The following ASB7 variants were observed in gnomAD, a reference collection of about 807,000 sequenced individuals.
The protein encoded by ASB7 is ankyrin repeat and SOCS box protein 7.
A neutral mutation model predicts 32.5 loss-of-function variants in ASB7; 4 were observed. The ratio of observed to expected loss-of-function variants is 0.12; its 90% CI spans 0.06 to 0.28. ASB7 has a LOEUF of 0.28. Among genes scored for constraint, ASB7 ranks in the 10% least tolerant of loss-of-function variants. ASB7 has a pLI of 1.00. For missense variants in ASB7, 181 were observed against 407.1 expected, an observed-to-expected ratio of 0.44 and a Z score of 4.78; for synonymous variants, 172 against 155.6, an observed-to-expected ratio of 1.11 and a Z score of -0.78.
At chr15:100,613,986 CAT>C (rs1225961116) in intron 4 of ASB7, among the ~76,000 whole-genome samples, 4 of 152,068 alleles carry the variant, frequency 2.6e-5, no homozygotes, top group Non-Finnish European at 5.9e-5. Context: ...GAAATTCAGT[CAT>C]ATGACCAAGC....
chr15:100,634,504 TGAAAA>T (rs1311909870), intron 5 of ASB7, among the ~76,000 whole-genome samples: 1 of 151,818 alleles, frequency 6.6e-6, no homozygotes, highest in Non-Finnish European at 1.5e-5. Context: ...AGGAAAGGAT[TGAAAA>T]GAAAAGAGAT....
chr15:100,637,072 T>C (rs1314629423), intron 5 of ASB7, among the ~76,000 whole-genome samples: 7 of 152,266 alleles, frequency 4.6e-5, no homozygotes, highest in Non-Finnish European at 1.0e-4. Flanking sequence ...ATTAATTTTA[T>C]TAAATCCTGT....
intron 5 of ASB7, among the ~76,000 whole-genome samples, chr15:100,642,065 A>G (rs888871244): frequency 1.3e-5 from 2 of 152,190 alleles, no homozygotes; most frequent in Admixed American, 1.3e-4. Flanking sequence ...CACATGGTCA[A>G]GAAACCTTTA....
intron 5 of ASB7, chr15:100,630,257 G>A (rs533456903): frequency 1.7e-6 from 2 of 1,182,368 alleles, no homozygotes; most frequent in East Asian, 3.0e-5. Flanking sequence ...TGTAATAGGG[G>A]TAGACAGTAA....
intron 4 of ASB7, among the ~76,000 whole-genome samples, chr15:100,612,736 T>C (rs1259005022): frequency 6.6e-6 from 1 of 152,244 alleles, no homozygotes; most frequent in Non-Finnish European, 1.5e-5. Flanking sequence ...GAAGCAGAAG[T>C]GGCTGTGGTA....
At chr15:100,614,599 G>A (rs2039725742) in intron 4 of ASB7, among the ~76,000 whole-genome samples, 1 of 151,996 alleles carries the variant, frequency 6.6e-6, no homozygotes, top group African/African-American at 2.4e-5. Flanking sequence ...ACCAATGGTG[G>A]GGGGAAAAAA....
intron 4 of ASB7, among the ~76,000 whole-genome samples, chr15:100,619,195 A>C (rs1487617799): frequency 2.0e-5 from 3 of 152,214 alleles, no homozygotes; most frequent in Non-Finnish European, 4.4e-5. Flanking sequence ...GGAGGCTGGA[A>C]GGATGGGGGT....
intron 4 of ASB7, among the ~76,000 whole-genome samples, chr15:100,615,432 T>C (rs1458276259): frequency 1.3e-5 from 2 of 152,234 alleles, no homozygotes; most frequent in African/African-American, 4.8e-5. Context: ...TTAATACATA[T>C]TGATTCACTC....
intron 5 of ASB7, among the ~76,000 whole-genome samples, chr15:100,639,177 AG>A (rs2039944639): frequency 6.6e-6 from 1 of 152,214 alleles, no homozygotes; most frequent in Non-Finnish European, 1.5e-5. Context: ...TAAAAGAAAA[AG>A]ATCAAGTAGA....
At chr15:100,608,491 A>G (rs146927170) in intron 2 of ASB7, among the ~76,000 whole-genome samples, 2 of 152,236 alleles carry the variant, frequency 1.3e-5, no homozygotes, top group Non-Finnish European at 2.9e-5. Flanking sequence ...TGCTGCAGTT[A>G]TTCCCTCTTT....
intron 5 of ASB7, 126 bp from the exon 6 acceptor site, chr15:100,648,196 TC>T: frequency 9.8e-7 from 1 of 1,021,892 alleles, no homozygotes; most frequent in East Asian, 2.9e-5. Flanking sequence ...TGAGTTGGTA[TC>T]TTTCCGGTCC....
At chr15:100,607,293 G>C (rs1177150739) in intron 2 of ASB7, among the ~76,000 whole-genome samples, 1 of 151,898 alleles carries the variant, frequency 6.6e-6, no homozygotes, top group African/African-American at 2.4e-5. Flanking sequence ...TTCCTCTGTT[G>C]TTTTTTAATA....
intron 2 of ASB7, among the ~76,000 whole-genome samples, chr15:100,605,051 A>G (rs771810989): frequency 2.0e-5 from 3 of 152,196 alleles, no homozygotes; most frequent in Non-Finnish European, 2.9e-5. Context: ...TCCAGCACAT[A>G]AGGTAAGAGA....
intron 5 of ASB7, 56 bp downstream of exon 5, chr15:100,630,098 G>T: frequency 6.9e-7 from 1 of 1,459,356 alleles, no homozygotes. Flanking sequence ...ATCTTCTGAG[G>T]AGCTTAATGT....
chr15:100,649,152 T>A lies in ASB7; in HGVS notation c.*690T>A, dbSNP rs2040014959. 6.6e-6 allele frequency: 1 copy of A among 152,612 alleles called. No homozygotes were observed. The highest frequency in any genetic ancestry group is 2.4e-5 in the African/African-American group (1 of 41,442). The allele number at this position is 152,612 out of a possible 1,614,324, so 9.5% of individuals were successfully genotyped here. ...CTGCATCTCGATTTCTATCTCTAGT[T>A]AGAGTTGTACTTTTAAAAAAATTAA... On this transcript the variant is annotated 3_prime_UTR_variant, in exon 6 of 6. Coordinates refer to ENST00000332783, the MANE Select transcript of ASB7 (RefSeq NM_198243.3).
chr15:100,607,008 C>CT (rs2039650894), intron 2 of ASB7, among the ~76,000 whole-genome samples: 2 of 151,862 alleles, frequency 1.3e-5, no homozygotes, highest in Non-Finnish European at 2.9e-5. Context: ...CATGAATTAG[C>CT]CGGGTGTGGT....
Position 100,629,255 on chromosome 15 carries a change from A to C in ASB7, c.212-182A>C, listed in dbSNP as rs1047456180. Among the ~76,000 whole-genome samples the C allele has an allele frequency of 2.0e-5, 3 of 152,226 alleles. No individual in the cohort carries two copies. Among genetic ancestry groups the C allele is most frequent in the African/African-American group, 4.8e-5 (2 of 41,454 alleles). On this transcript the variant is annotated intron_variant, in intron 4 of 5. Transcript: ENST00000332783. The surrounding 1 kb of genome is among the most constrained non-coding windows in gnomAD (Gnocchi z 6.8). ...AACCCAGACGTGATAACATTCTACA[A>C]AATTTATTTTCCATTAAAACCAGAC...
intron 4 of ASB7, among the ~76,000 whole-genome samples, chr15:100,618,622 G>GGTGTGTGTGT (rs57805541): frequency 1.3e-5 from 2 of 150,184 alleles, no homozygotes; most frequent in Non-Finnish European, 3.0e-5. Context: ...CTGTGTGTGT[G>GGTGTGTGTGT]GTGTGTGTGT....
At chr15:100,641,058 A>G (rs956714380) in intron 5 of ASB7, among the ~76,000 whole-genome samples, 2 of 150,512 alleles carry the variant, frequency 1.3e-5, no homozygotes, top group African/African-American at 4.9e-5. Flanking sequence ...TTTCCCTGTT[A>G]TGATCCCGTG....
Sources: allele counts gnomAD v4.1 joint callset (sites outside exome capture counted in the v4.1 genomes callset), GRCh38; gene constraint gnomAD v4.1.1; non-coding constraint Gnocchi (gnomAD v3.1); transcripts MANE v1.5; gene names NCBI Gene and HGNC (gene_info 2026-07-23, HGNC 2026-07-21).